Variants in ADAMTS3 observed in about 807,000 individuals in gnomAD.
ADAMTS3 encodes A disintegrin and metalloproteinase with thrombospondin motifs 3.
Under a neutral mutation model 129.0 loss-of-function variants are expected in ADAMTS3, and 73 were observed. The ratio of observed to expected loss-of-function variants is 0.57; its 90% CI spans 0.47 to 0.69. ADAMTS3 has a LOEUF of 0.69. Among genes scored for constraint, ADAMTS3 ranks in the 30% least tolerant of loss-of-function variants. ADAMTS3 has a pLI of 0.00. For synonymous variants in ADAMTS3, 477 were observed against 510.8 expected (o/e 0.93, Z 0.89); for missense variants, 1,457 against 1,514.5 (o/e 0.96, Z 0.63).
In ADAMTS3 at chr4:72,555,034, T is replaced by C. The variant is rs142743589; in HGVS notation, c.98-6150A>G. Among the ~76,000 whole-genome samples the C allele has an allele frequency of 3.9e-5, 6 of 151,910 alleles. No individual in the cohort carries two copies. The East Asian group carries it at 7.7e-4, about 20-fold the overall frequency. ...ATTCAATAAATGCTGGCAATTAATG[T>C]CACTACATTATTCCACCTAACTAGC... On this transcript the variant is annotated intron_variant, in intron 2 of 21. Coordinates refer to ENST00000286657, the MANE Select transcript of ADAMTS3 (RefSeq NM_014243.3).
intron 2 of ADAMTS3, among the ~76,000 whole-genome samples, chr4:72,564,915 C>G (rs2109809847): frequency 6.6e-6 from 1 of 152,282 alleles, no homozygotes; most frequent in Non-Finnish European, 1.5e-5. Context: ...CTGACACAAT[C>G]AATTTATCCT....
chr4:72,517,083 A>T (rs1224969249), intron 3 of ADAMTS3, among the ~76,000 whole-genome samples: 3 of 152,024 alleles, frequency 2.0e-5, no homozygotes, highest in Non-Finnish European at 4.4e-5. Flanking sequence ...TTCTGCATCT[A>T]TTGAGATAAT....
chr4:72,410,671 G>A (rs887463134), intron 4 of ADAMTS3, among the ~76,000 whole-genome samples: 1 of 152,086 alleles, frequency 6.6e-6, no homozygotes. Context: ...ATAGGCAGGG[G>A]TATATTTTTT....
chr4:72,450,965 CAAAA>C (rs57756087), intron 3 of ADAMTS3, among the ~76,000 whole-genome samples: 1 of 73,086 alleles, frequency 1.4e-5, no homozygotes, highest in Admixed American at 1.5e-4. Flanking sequence ...GGCAGGCAGG[CAAAA>C]AGAAGAGAAG....
At chr4:72,324,082 A>G (rs1217296360) in intron 5 of ADAMTS3, among the ~76,000 whole-genome samples, 1 of 152,182 alleles carries the variant, frequency 6.6e-6, no homozygotes, top group African/African-American at 2.4e-5. Flanking sequence ...GACACTTGTT[A>G]AAAAGACTAA....
intron 2 of ADAMTS3, among the ~76,000 whole-genome samples, chr4:72,552,585 A>G (rs1721672069): frequency 6.6e-6 from 1 of 152,186 alleles, no homozygotes; most frequent in African/African-American, 2.4e-5. Context: ...AAATAGAGCC[A>G]GAATAATTAA....
At chr4:72,284,331 G>C (rs911216068) in intron 21 of ADAMTS3, among the ~76,000 whole-genome samples, 1 of 151,958 alleles carries the variant, frequency 6.6e-6, no homozygotes, top group Non-Finnish European at 1.5e-5. Flanking sequence ...TGTAGTCCCA[G>C]CTACTCGTGA....
intron 3 of ADAMTS3, among the ~76,000 whole-genome samples, chr4:72,535,844 A>C (rs1274500470): frequency 6.6e-6 from 1 of 152,194 alleles, no homozygotes; most frequent in Admixed American, 6.5e-5. Context: ...ACAACAGTAT[A>C]AACTATCTGA....
At chr4:72,468,179 C>T (rs1331129887) in intron 3 of ADAMTS3, among the ~76,000 whole-genome samples, 2 of 151,824 alleles carry the variant, frequency 1.3e-5, no homozygotes, top group East Asian at 1.9e-4. Flanking sequence ...TTTTAGATTC[C>T]TTCATTTACA....
intron 5 of ADAMTS3, among the ~76,000 whole-genome samples, chr4:72,324,638 G>A (rs1560473174): frequency 1.3e-5 from 2 of 152,040 alleles, no homozygotes; most frequent in South Asian, 2.1e-4. Context: ...ATACCTGTAC[G>A]AGATAAGCCA....
chr4:72,522,673 A>G (rs1339962444), intron 3 of ADAMTS3, among the ~76,000 whole-genome samples: 3 of 152,196 alleles, frequency 2.0e-5, no homozygotes, highest in African/African-American at 2.4e-5. Flanking sequence ...AGTCTCCCAC[A>G]CACAGTTTCT....
At chr4:72,499,460 G>A (rs929081894) in intron 3 of ADAMTS3, among the ~76,000 whole-genome samples, 1 of 152,114 alleles carries the variant, frequency 6.6e-6, no homozygotes, top group African/African-American at 2.4e-5. Flanking sequence ...ACTAAAAAAT[G>A]ATGCGAGAAC....
rs145710268 is a variant in ADAMTS3 at position 72,541,521 on chromosome 4, G to A, written c.504+6957C>T. Among the ~76,000 whole-genome samples the A allele has an allele frequency of 7.4e-4, 113 of 152,288 alleles. 1 individual carries two copies. In the East Asian group the frequency reaches 0.015, roughly 20 times the overall value. ...GAAATGTGAGGACATGAGATTTGGC[G>A]GAGGCCAGGGTGGAATGATATGGTT... On this transcript the variant is annotated intron_variant, in intron 3 of 21. Transcript: ENST00000286657.
intron 3 of ADAMTS3, among the ~76,000 whole-genome samples, chr4:72,468,320 C>A (rs1718974480): frequency 6.6e-6 from 1 of 151,990 alleles, no homozygotes; most frequent in South Asian, 2.1e-4. Flanking sequence ...CATCATGATC[C>A]AAAGTTTACA....
chr4:72,292,900 A>G (rs538834621), intron 19 of ADAMTS3, among the ~76,000 whole-genome samples: 1 of 152,310 alleles, frequency 6.6e-6, no homozygotes, highest in South Asian at 2.1e-4. Context: ...ATTTTGCTCA[A>G]TTTTGAAGAC....
chr4:72,451,037 T>C (rs374597009), intron 3 of ADAMTS3, among the ~76,000 whole-genome samples: 1 of 134,342 alleles, frequency 7.4e-6, no homozygotes, highest in African/African-American at 2.9e-5. Flanking sequence ...CAGATAAGAA[T>C]ATCCTTAACA....
At chr4:72,399,108 T>C (rs1340054531) in intron 4 of ADAMTS3, among the ~76,000 whole-genome samples, 1 of 152,232 alleles carries the variant, frequency 6.6e-6, no homozygotes, top group African/African-American at 2.4e-5. Context: ...GCTTTCACTT[T>C]ATTATCTAAT....
At chr4:72,427,215 T>A (rs1436023718) in intron 3 of ADAMTS3, among the ~76,000 whole-genome samples, 1 of 152,098 alleles carries the variant, frequency 6.6e-6, no homozygotes, top group African/African-American at 2.4e-5. Context: ...TCAACACCCC[T>A]TAGATCCCAT....
At chr4:72,482,185 A>C (rs774725252) in intron 3 of ADAMTS3, among the ~76,000 whole-genome samples, 2 of 152,114 alleles carry the variant, frequency 1.3e-5, no homozygotes, top group East Asian at 1.9e-4. Context: ...GGTTATGTTC[A>C]TTTAAAAAAA....
Sources: allele counts gnomAD v4.1 joint callset (sites outside exome capture counted in the v4.1 genomes callset), GRCh38; gene constraint gnomAD v4.1.1; transcripts MANE v1.5; gene names NCBI Gene and HGNC (gene_info 2026-07-23, HGNC 2026-07-21).